The following TRHDE variants were observed in gnomAD, a reference collection of about 807,000 sequenced individuals.
TRHDE encodes the protein thyrotropin-releasing hormone-degrading ectoenzyme.
TRHDE carries 72 observed loss-of-function variants against 125.7 expected under a neutral mutation model. The observed-to-expected ratio is 0.57, with a 90% CI of 0.47 to 0.70. The LOEUF (loss-of-function observed/expected upper bound fraction) is 0.70. TRHDE is among the 30% of genes least tolerant of loss of function. The pLI is 0.00. For synonymous variants in TRHDE, 509 were observed against 509.1 expected, an observed-to-expected ratio of 1.00 and a Z score of 0.00; for missense variants, 1,110 against 1,327.1, an observed-to-expected ratio of 0.84 and a Z score of 2.54.
Position 72,640,523 on chromosome 12 carries a change from C to T in TRHDE, c.2676-11799C>T, listed in dbSNP as rs530528403. ...GCTGTTCCTATTCGGCCATCTTCTT[C>T]ACTTACTTTTTCAATCCTTTGTTTC... is the stretch of plus-strand genomic sequence containing the variant. On this transcript the variant is annotated intron_variant, in intron 15 of 18. Transcript: ENST00000261180. Among the ~76,000 whole-genome samples the T allele has an allele frequency of 1.1e-4, 17 of 149,176 alleles. No homozygotes were observed. In the South Asian group the frequency reaches 3.2e-3, roughly 28 times the overall value.
intron 18 of TRHDE, among the ~76,000 whole-genome samples, chr12:72,658,874 G>A (rs1874807858): frequency 2.6e-5 from 4 of 152,144 alleles, no homozygotes; most frequent in Admixed American, 2.6e-4. Context: ...TGCTGCCTGA[G>A]GCTTTTGAAT....
intron 12 of TRHDE, among the ~76,000 whole-genome samples, chr12:72,614,331 T>TATATATA (rs1448155527): frequency 2.1e-5 from 1 of 48,566 alleles, no homozygotes; most frequent in African/African-American, 1.3e-4. Context: ...TATATATATA[T>TATATATA]TTTTTTTTTC....
rs561285278 is a variant in TRHDE at position 72,130,547 on chromosome 12, T to C, written n.279+24795T>C. On this transcript the variant is annotated intron_variant and non_coding_transcript_variant, in intron 2 of 4. Transcript: ENST00000548156. ...ACCGAGGAAAATATAGGAGAATATC[T>C]TCATGACCATGGAATGTGAAAGGAT... Among the ~76,000 whole-genome samples, 233 of 152,258 alleles carry C rather than the reference T, an allele frequency of 1.5e-3. 1 individual carries two copies. Among genetic ancestry groups the C allele is most frequent in the African/African-American group, 5.2e-3 (215 of 41,554 alleles).
intron 12 of TRHDE, among the ~76,000 whole-genome samples, chr12:72,615,933 T>A (rs185567667): frequency 6.6e-6 from 1 of 152,086 alleles, no homozygotes; most frequent in South Asian, 2.1e-4. Context: ...AAATAGCTAA[T>A]GGGAGATGTC....
intron 2 of TRHDE, among the ~76,000 whole-genome samples, chr12:72,372,180 T>G (rs1316144373): frequency 6.6e-6 from 1 of 152,224 alleles, no homozygotes; most frequent in Non-Finnish European, 1.5e-5. Flanking sequence ...TTTGGCTGCA[T>G]AAATGTCTTC....
Position 72,532,097 on chromosome 12 carries a change from G to A in TRHDE, c.1723-10194G>A, listed in dbSNP as rs140893792. ...TAGTTCTTCATTTTTACATCCTTGTGTGTTTGGTTAAGTTCTATAATTTTC... is the reference window on the plus strand; with the variant it reads ...TAGTTCTTCATTTTTACATCCTTGTATGTTTGGTTAAGTTCTATAATTTTC... On this transcript the variant is annotated intron_variant, in intron 6 of 18. Transcript: ENST00000261180. Among the ~76,000 whole-genome samples the A allele has an allele frequency of 3.3e-5, 5 of 152,008 alleles. No individual in the cohort carries two copies. The East Asian group carries it at 9.7e-4, about 29-fold the overall frequency.
chr12:72,213,554 G>A (rs1436714071), intron 2 of TRHDE, among the ~76,000 whole-genome samples: 2 of 152,078 alleles, frequency 1.3e-5, no homozygotes, highest in African/African-American at 4.8e-5. Flanking sequence ...AGCTAGAACA[G>A]GGATATTAAA....
chr12:72,446,778 T>C (rs1292630944), intron 3 of TRHDE, among the ~76,000 whole-genome samples: 1 of 152,136 alleles, frequency 6.6e-6, no homozygotes, highest in Non-Finnish European at 1.5e-5. Flanking sequence ...GGCCATTACA[T>C]AATGGTAAAG....
chr12:72,332,800 A>G (rs1869663919), intron 2 of TRHDE, among the ~76,000 whole-genome samples: 1 of 152,236 alleles, frequency 6.6e-6, no homozygotes, highest in South Asian at 2.1e-4. Context: ...CAGCAGCATC[A>G]GTATTGGGCA....
intron 1 of TRHDE, among the ~76,000 whole-genome samples, chr12:72,101,288 G>A (rs192195492): frequency 9.3e-4 from 142 of 152,284 alleles, no homozygotes; most frequent in Middle Eastern, 3.4e-3. Flanking sequence ...TCGTCTGCTC[G>A]AAATATAGGT....
chr12:72,171,418 T>C (rs1013474825), intron 2 of TRHDE, among the ~76,000 whole-genome samples: 1 of 152,192 alleles, frequency 6.6e-6, no homozygotes, highest in African/African-American at 2.4e-5. Flanking sequence ...ATCTGATAGA[T>C]GACAGGAAAA....
intron 15 of TRHDE, among the ~76,000 whole-genome samples, chr12:72,630,311 T>C (rs1162516599): frequency 1.3e-5 from 2 of 151,622 alleles, no homozygotes; most frequent in Non-Finnish European, 2.9e-5. Flanking sequence ...AGTGTCCCTA[T>C]AGGGGAAAAG....
rs201330085 is a variant in TRHDE at position 72,592,562 on chromosome 12, T to C, written c.2321+17020T>C. Among the ~76,000 whole-genome samples, 85 of 152,058 alleles carry C rather than the reference T, an allele frequency of 5.6e-4. No homozygotes were observed. In the East Asian group the frequency reaches 6.2e-3, roughly 11 times the overall value. On this transcript the variant is annotated intron_variant, in intron 12 of 18. Transcript: ENST00000261180. ...GCACATTAAGTTGTGGTGATTTTTT[T>C]TTTCTCTCTCTCTCTCTATTTTTGT...
intron 5 of TRHDE, among the ~76,000 whole-genome samples, chr12:72,495,060 G>GTTTTTTTTTTTTTTTTTTTTTTTTTT (rs751243542): frequency 1.2e-4 from 7 of 58,390 alleles, no homozygotes; most frequent in Non-Finnish European, 1.7e-4. Flanking sequence ...TTCCTCCCCC[G>GTTTTTTTTTTTTTTTTTTTTTTTTTT]TTTTTTTTTT....
At chr12:72,269,361 G>C (rs1443960932), upstream of TRHDE, among the ~76,000 whole-genome samples, 1 of 152,118 alleles carries the variant, frequency 6.6e-6, no homozygotes, top group Non-Finnish European at 1.5e-5. Context: ...GAGCTAGTAA[G>C]TTGTGTCCAT....
rs1422885340 is a variant in TRHDE, at chr12:72,653,811, A to C, written c.2984+655A>C. 5.3e-5 allele frequency among the ~76,000 whole-genome samples: 8 copies of C among 152,134 alleles called. No individual in the cohort carries two copies. The East Asian group carries it at 1.5e-3, about 29-fold the overall frequency. Reference sequence around the variant, plus strand: ...AAATTCAATTTATTATAAAGCATGTAAATGCTGCTTGTTTTTCTTTAACTT... The same window carrying C: ...AAATTCAATTTATTATAAAGCATGTCAATGCTGCTTGTTTTTCTTTAACTT... On this transcript the variant is annotated intron_variant, in intron 17 of 18. Coordinates refer to ENST00000261180, the MANE Select transcript of TRHDE (RefSeq NM_013381.3).
intron 15 of TRHDE, among the ~76,000 whole-genome samples, chr12:72,638,446 G>T (rs1410523891): frequency 1.3e-5 from 2 of 151,706 alleles, no homozygotes; most frequent in Non-Finnish European, 2.9e-5. Context: ...GATGGGTCTT[G>T]ACTCTTTATC....
intron 2 of TRHDE, among the ~76,000 whole-genome samples, chr12:72,215,588 C>T (rs1546746): frequency 0.6 from 91,512 of 151,964 alleles, 28,045 homozygotes; most frequent in Non-Finnish European, 0.66. Flanking sequence ...GCTACCCTTA[C>T]CAAATTGTCA....
intron 6 of TRHDE, among the ~76,000 whole-genome samples, chr12:72,532,864 A>G (rs1868631477): frequency 6.6e-6 from 1 of 151,046 alleles, no homozygotes; most frequent in East Asian, 1.9e-4. Flanking sequence ...TGTGGTATTT[A>G]TCCCATCAAT....
Sources: gnomAD v4.1 joint callset for allele counts (sites outside exome capture counted in the v4.1 genomes callset) on GRCh38, gnomAD v4.1.1 for gene constraint, MANE v1.5 for transcripts, NCBI Gene and HGNC (gene_info 2026-07-23, HGNC 2026-07-21) for gene names.